Variants in OTUB2 observed in about 807,000 individuals in gnomAD.
OTUB2 encodes the protein OTU deubiquitinase, ubiquitin aldehyde binding 2, also known as ubiquitin thioesterase OTUB2.
In OTUB2, 21 loss-of-function variants were observed where a neutral mutation model predicts 25.1. That is an observed-to-expected ratio of 0.84 (90% CI 0.59 to 1.21). The LOEUF (loss-of-function observed/expected upper bound fraction) is 1.21. OTUB2 is among the 50% of genes most tolerant of loss of function. The probability of loss-of-function intolerance (pLI) is 0.00; values close to 1 mark genes in which losing one functional copy is unlikely to be tolerated. For synonymous variants in OTUB2, 122 were observed against 122.8 expected (o/e 0.99, Z 0.04); for missense variants, 283 against 298.0 (o/e 0.95, Z 0.37).
chr14:94,028,631 C>T (rs1395089118), intron 1 of OTUB2, among the ~76,000 whole-genome samples: 1 of 152,216 alleles, frequency 6.6e-6, no homozygotes, highest in Admixed American at 6.5e-5. Context: ...GTCAAACAGG[C>T]CCCCAGTGGG....
chr14:94,039,214 C>T (rs926141817), intron 3 of OTUB2, 133 bp downstream of exon 3: 6 of 722,630 alleles, frequency 8.3e-6, no homozygotes, highest in East Asian at 2.6e-5. Flanking sequence ...CTGGCAGAGG[C>T]GTTTGATGTT....
chr14:94,036,466 C>A (rs553906792), intron 1 of OTUB2, among the ~76,000 whole-genome samples: 2 of 152,024 alleles, frequency 1.3e-5, no homozygotes, highest in Non-Finnish European at 2.9e-5. Flanking sequence ...GCAATCAAAG[C>A]GGCTCTGGGT....
intron 3 of OTUB2, 116 bp from the exon 4 acceptor site, chr14:94,043,855 G>C (rs554511085): frequency 2.3e-5 from 21 of 898,704 alleles, no homozygotes; most frequent in Non-Finnish European, 3.9e-5. Flanking sequence ...GAGGTTCTGC[G>C]GCTGGACTAG....
rs1567054500 is a variant in OTUB2, at chr14:94,045,815, G to C, written c.598G>C (p.Asp200His). 1 of 1,614,214 alleles carries C rather than the reference G, an allele frequency of 6.2e-7. No homozygotes were observed. Among genetic ancestry groups the C allele is most frequent in the Non-Finnish European group, 8.5e-7 (1 of 1,180,042 alleles). The change falls in exon 6 of 6, where the codon GAT becomes CAT. Residue 200 changes from aspartate (D) to histidine (H), a missense_variant. Physicochemically the swap from Asp to His is moderately conservative, Grantham distance 81. Transcript: ENST00000203664. ...ALQVEYVDEM[D>H]TALNHHVFPE... ...GCAAGTGGAGTACGTGGACGAGATGGATACCGCCCTGAACCACCACGTGTT... is the reference window on the plus strand; with the variant it reads ...GCAAGTGGAGTACGTGGACGAGATGCATACCGCCCTGAACCACCACGTGTT...
intron 1 of OTUB2, among the ~76,000 whole-genome samples, chr14:94,031,488 G>A (rs1469105732): frequency 6.6e-6 from 1 of 152,084 alleles, no homozygotes; most frequent in African/African-American, 2.4e-5. Context: ...TAAATTTGGA[G>A]GTGGGGCTCG....
At chr14:94,043,205 C>T (rs1222502311) in intron 3 of OTUB2, among the ~76,000 whole-genome samples, 1 of 152,240 alleles carries the variant, frequency 6.6e-6, no homozygotes, top group Non-Finnish European at 1.5e-5. Context: ...CCTTGTGAAC[C>T]TTCTGCCTCC....
At chr14:94,042,430 G>A (rs1885180796) in intron 3 of OTUB2, among the ~76,000 whole-genome samples, 1 of 151,196 alleles carries the variant, frequency 6.6e-6, no homozygotes, top group Non-Finnish European at 1.5e-5. Flanking sequence ...CCCAGTGCCT[G>A]GCACAGAGGG....
intron 2 of OTUB2, among the ~76,000 whole-genome samples, chr14:94,038,249 G>A (rs1340073505): frequency 6.6e-6 from 1 of 152,226 alleles, no homozygotes; most frequent in Non-Finnish European, 1.5e-5. Flanking sequence ...CCGCTGCGGG[G>A]CACTTCCAGG....
intron 2 of OTUB2, 40 bp from the exon 3 acceptor site, chr14:94,038,923 T>G: frequency 6.3e-7 from 1 of 1,579,236 alleles, no homozygotes; most frequent in Non-Finnish European, 8.7e-7. Context: ...ACAGAGCCGT[T>G]GTTGGTGCAA....
rs748746320 is a variant in OTUB2 at position 94,045,782 on chromosome 14, A to C, written c.565A>C (p.Ile189Leu). 3 of 1,614,202 alleles carry C rather than the reference A, an allele frequency of 1.9e-6. No homozygotes were observed. The Admixed American group carries it at 5.0e-5, about 27-fold the overall frequency. The stretch of plus-strand genomic sequence containing the variant: ...CACGGCGTTGTCGCAGGCCCTGAGC[A>C]TTGCCCTGCAAGTGGAGTACGTGGA... ...QITALSQALS[I>L]ALQVEYVDEM... Residue 189 changes from isoleucine (I) to leucine (L), a missense_variant, in exon 6 of 6, where the codon ATT becomes CTT. Coordinates refer to ENST00000203664, the MANE Select transcript of OTUB2 (RefSeq NM_023112.4).
chr14:94,045,761 G>A lies in OTUB2; in HGVS notation c.544G>A (p.Ala182Thr). ...ATECDHIQITALSQALSIALQ... is the reference protein window; with the variant it reads ...ATECDHIQITTLSQALSIALQ... ...GGAGTGTGACCACATCCAGATCACGGCGTTGTCGCAGGCCCTGAGCATTGC... is the reference window on the plus strand; with the variant it reads ...GGAGTGTGACCACATCCAGATCACGACGTTGTCGCAGGCCCTGAGCATTGC... Residue 182 changes from alanine (A) to threonine (T), a missense_variant, in exon 6 of 6, where the codon GCG (alanine) becomes ACG (threonine). By Grantham distance (58) the Ala-to-Thr change is moderately conservative (BLOSUM62 0). Transcript: ENST00000203664. 1 of 1,614,206 alleles carries A rather than the reference G, an allele frequency of 6.2e-7. No individual in the cohort carries two copies. The highest frequency in any genetic ancestry group is 8.5e-7 in the Non-Finnish European group (1 of 1,180,040).
intron 1 of OTUB2, among the ~76,000 whole-genome samples, chr14:94,036,834 A>C (rs1024917569): frequency 6.6e-6 from 1 of 152,128 alleles, no homozygotes; most frequent in African/African-American, 2.4e-5. Flanking sequence ...AGTGCCACAC[A>C]CTGCGGCCTC....
At chr14:94,037,233 A>G in intron 1 of OTUB2, 147 bp from the exon 2 acceptor site, 3 of 523,704 alleles carry the variant, frequency 5.7e-6, no homozygotes, top group Non-Finnish European at 1.0e-5. Flanking sequence ...GGCGTCTAGG[A>G]TGCTGGTAAC....
intron 1 of OTUB2, among the ~76,000 whole-genome samples, chr14:94,034,425 C>G (rs1027566065): frequency 6.6e-6 from 1 of 152,192 alleles, no homozygotes. Flanking sequence ...CTTGGTCCCT[C>G]AAGACCTCTG....
At chr14:94,037,694 T>C (rs1300576896) in intron 2 of OTUB2, among the ~76,000 whole-genome samples, 4 of 150,142 alleles carry the variant, frequency 2.7e-5, no homozygotes, top group Non-Finnish European at 6.0e-5. Flanking sequence ...TTTAGCACTA[T>C]CCTAATGTTT....
At chr14:94,038,415 A>G (rs1489853919) in intron 2 of OTUB2, among the ~76,000 whole-genome samples, 1 of 152,184 alleles carries the variant, frequency 6.6e-6, no homozygotes, top group Non-Finnish European at 1.5e-5. Context: ...TATGGGGGGA[A>G]CAGGAACTCC....
In OTUB2 at chr14:94,039,064, G is replaced by A; in HGVS notation, c.201G>A (p.Lys67=). The change falls in exon 3 of 6, where the codon AAG becomes AAA. Residue 67 remains lysine, a synonymous_variant. Coordinates refer to ENST00000203664, the MANE Select transcript of OTUB2 (RefSeq NM_023112.4). ...CCTACCTGGAGTCCCTGCTGGGGAA[G>A]AGCAGGGAGATCTTCAAGTGAGTGC... ...GYSYLESLLG[K]SREIFKFKER... 6.2e-7 allele frequency: 1 copy of A among 1,614,012 alleles called. No homozygotes were observed. Among genetic ancestry groups the A allele is most frequent in the Non-Finnish European group, 8.5e-7 (1 of 1,179,888 alleles).
Position 94,046,495 on chromosome 14 carries a change from GA to G in OTUB2, c.*584del, listed in dbSNP as rs76786661. The stretch of plus-strand genomic sequence containing the variant: ...TATTTTCCTACCCCTAACTTAAGGA[GA>G]AAAAAAAAAAGACTTCCTTTTTTTG... On this transcript the variant is annotated 3_prime_UTR_variant, in exon 6 of 6. Transcript: ENST00000203664. 6.4e-4 allele frequency: 93 copies of G among 145,142 alleles called. No homozygotes were observed. The highest frequency in any genetic ancestry group is 7.6e-4 in the African/African-American group (30 of 39,562). 9.0% of individuals were successfully genotyped at this position (145,142 alleles called of 1,614,324 possible). A position where few individuals can be genotyped will look rare whatever the true frequency, so the allele number is the denominator to read the frequency against.
intron 1 of OTUB2, among the ~76,000 whole-genome samples, chr14:94,034,799 A>G (rs1321391864): frequency 1.3e-5 from 2 of 152,150 alleles, no homozygotes; most frequent in African/African-American, 4.8e-5. Flanking sequence ...AGAACGTTCC[A>G]TCTCTGTTCC....
Sources: allele counts gnomAD v4.1 joint callset (sites outside exome capture counted in the v4.1 genomes callset), GRCh38; gene constraint gnomAD v4.1.1; transcripts MANE v1.5; gene names NCBI Gene and HGNC (gene_info 2026-07-23, HGNC 2026-07-21).